The following ZNF462 variants were observed in gnomAD, a reference collection of about 807,000 sequenced individuals.
The protein encoded by ZNF462 is zinc finger protein 462, also known as zinc finger PBX1-interacting protein.
A neutral mutation model predicts 201.9 loss-of-function variants in ZNF462; 10 were observed. The observed-to-expected ratio is 0.05, with a 90% confidence interval of 0.03 to 0.08. The LOEUF is 0.08. Among genes scored for constraint, ZNF462 ranks in the 10% least tolerant of loss-of-function variants. ZNF462 has a pLI of 1.00. For missense variants in ZNF462, 2,523 were observed against 3,168.3 expected (o/e 0.80, Z 4.89); for synonymous variants, 1,227 against 1,193.3 (o/e 1.03, Z -0.58).
Position 106,935,643 on chromosome 9 carries a change from C to A in ZNF462, c.6235+22C>A. ...GCTGGTGAGTTGTGCATTGATGATG[C>A]ACAAGTTCTTTAGCACTCTCTGAGT... On this transcript the variant is annotated intron_variant, in intron 6 of 12. Transcript: ENST00000277225. This position sits in a 1 kb window ranked among gnomAD's most constrained non-coding sequence, Gnocchi z 4.1. The A allele has an allele frequency of 6.3e-7, 1 of 1,587,830 alleles. No homozygotes were observed. The highest frequency in any genetic ancestry group is 8.6e-7 in the Non-Finnish European group (1 of 1,156,444).
chr9:106,926,860 C>G lies in ZNF462; in HGVS notation c.2948C>G (p.Ser983Trp). Residue 983 changes from serine (S) to tryptophan (W), a missense_variant, in exon 3 of 13, where the codon TCG becomes TGG. By Grantham distance (177) the Ser-to-Trp change is radical. Transcript: ENST00000277225. The surrounding 1 kb of genome is among the most constrained non-coding windows in gnomAD (Gnocchi z 7.9). ...ESQTLREILN[S>W]APKNMATSTP... Reference sequence around the variant, plus strand: ...CAGACCCTGAGGGAGATTCTGAATTCGGCTCCCAAGAACATGGCGACTTCC... The same window carrying G: ...CAGACCCTGAGGGAGATTCTGAATTGGGCTCCCAAGAACATGGCGACTTCC... The G allele has an allele frequency of 6.2e-7, 1 of 1,614,118 alleles. No homozygotes were observed. Among genetic ancestry groups the G allele is most frequent in the Non-Finnish European group, 8.5e-7 (1 of 1,180,020 alleles).
rs761754909 is a variant in ZNF462 at position 106,924,762 on chromosome 9, A to G, written c.850A>G (p.Asn284Asp). The G allele has an allele frequency of 1.9e-6, 3 of 1,614,156 alleles. No homozygotes were observed. The highest frequency in any genetic ancestry group is 2.5e-6 in the Non-Finnish European group (3 of 1,180,040). The stretch of plus-strand genomic sequence containing the variant: ...TCTCAGACAGCAACAAGAAGGAACT[A>G]ATCTACCTGATGTGCCGAACAAGAG... ...SSLRQQQEGTNLPDVPNKSAP... is the reference protein window; with the variant it reads ...SSLRQQQEGTDLPDVPNKSAP... The change falls in exon 3 of 13, where the codon AAT (asparagine) becomes GAT (aspartate). Residue 284 changes from asparagine to aspartate, a missense_variant. By Grantham distance (23) the Asn-to-Asp change is conservative. Transcript: ENST00000277225. The surrounding 1 kb of genome is among the most constrained non-coding windows in gnomAD (Gnocchi z 6.2).
rs1230495444 is a variant in ZNF462, at chr9:106,938,596, A to C, written c.6236-320A>C. ...GTAGAGAGGGAGGGAAAGGGATTGG[A>C]AATTTTTCTAAAGGAGGTATCATGG... On this transcript the variant is annotated intron_variant, in intron 6 of 12. Coordinates refer to ENST00000277225, the MANE Select transcript of ZNF462 (RefSeq NM_021224.6). The surrounding 1 kb of genome is among the most constrained non-coding windows in gnomAD (Gnocchi z 4.4). 6.6e-6 allele frequency among the ~76,000 whole-genome samples: 1 copy of C among 152,256 alleles called. No individual in the cohort carries two copies. The highest frequency in any genetic ancestry group is 2.4e-5 in the African/African-American group (1 of 41,554).
At chr9:106,918,006 G>C (rs755917265) in intron 1 of ZNF462, among the ~76,000 whole-genome samples, 5 of 151,828 alleles carry the variant, frequency 3.3e-5, no homozygotes, top group Non-Finnish European at 7.4e-5. Flanking sequence ...CTCCTGAGTA[G>C]CTGGGATTAC....
At chr9:106,960,565 A>G (rs1831788058) in intron 7 of ZNF462, among the ~76,000 whole-genome samples, 1 of 152,138 alleles carries the variant, frequency 6.6e-6, no homozygotes, top group African/African-American at 2.4e-5. Flanking sequence ...CTCATCACAC[A>G]ATTCAAAAGA....
Position 106,974,173 on chromosome 9 carries a change from A to G in ZNF462, c.6732A>G (p.Ser2244=), listed in dbSNP as rs761141114. The G allele has an allele frequency of 2.5e-6, 4 of 1,614,072 alleles. No individual in the cohort carries two copies. In the South Asian group the frequency reaches 3.3e-5, roughly 13 times the overall value. ...CTATGCACGTGGAAGCTGGGCACTCAGCAGTTCCCGAGGAGGGCCCCAAAG... is the reference window on the plus strand; with the variant it reads ...CTATGCACGTGGAAGCTGGGCACTCGGCAGTTCCCGAGGAGGGCCCCAAAG... ...AFTMHVEAGH[S]AVPEEGPKDL... The change falls in exon 9 of 13, where the codon TCA becomes TCG. Residue 2244 remains serine, a synonymous_variant. Transcript: ENST00000277225. This position sits in a 1 kb window ranked among gnomAD's most constrained non-coding sequence, Gnocchi z 4.0.
At chr9:106,940,406 A>T (rs1384879631) in intron 7 of ZNF462, among the ~76,000 whole-genome samples, 1 of 152,214 alleles carries the variant, frequency 6.6e-6, no homozygotes, top group Non-Finnish European at 1.5e-5. Context: ...TAACCTGATG[A>T]TCTGACAGCC....
Position 106,927,792 on chromosome 9 carries a change from A to G in ZNF462, c.3880A>G (p.Thr1294Ala). 1 of 1,614,166 alleles carries G rather than the reference A, an allele frequency of 6.2e-7. No individual in the cohort carries two copies. Among genetic ancestry groups the G allele is most frequent in the Non-Finnish European group, 8.5e-7 (1 of 1,180,032 alleles). Residue 1294 changes from threonine (T) to alanine (A), a missense_variant, in exon 3 of 13, where the codon ACA (threonine) becomes GCA (alanine). Thr to Ala is a moderately conservative substitution (Grantham distance 58, BLOSUM62 0). This residue lies in a region of ZNF462 where 222 missense variants were observed against 271.6 expected (regional missense o/e 0.82). Transcript: ENST00000277225. ...GAAAGACCACCCCGCCCTGAAAGCC[A>G]CAGTCACGTCCATCATGCGATGGGC... The part of the protein sequence containing the change: ...IKKDHPALKA[T>A]VTSIMRWAFL...
In ZNF462 at chr9:106,865,985, A is replaced by G. The variant is rs1010317629; in HGVS notation, c.-31+2630A>G. On this transcript the variant is annotated intron_variant, in intron 1 of 12. Coordinates refer to ENST00000277225, the MANE Select transcript of ZNF462 (RefSeq NM_021224.6). This position sits in a 1 kb window ranked among gnomAD's most constrained non-coding sequence, Gnocchi z 4.1. ...GAAGATGTTGCTTTTCCATTAGGTG[A>G]GGTAGCCATCTTGAGGATGAGGGAA... 1.5e-4 allele frequency among the ~76,000 whole-genome samples: 23 copies of G among 152,200 alleles called. No homozygotes were observed. Among genetic ancestry groups the G allele is most frequent in the African/African-American group, 5.1e-4 (21 of 41,440 alleles).
At chr9:106,992,925 T>G (rs1828400286) in intron 10 of ZNF462, among the ~76,000 whole-genome samples, 1 of 152,238 alleles carries the variant, frequency 6.6e-6, no homozygotes, top group South Asian at 2.1e-4. Context: ...GTAGTCTTTT[T>G]ATGACGTTCA....
rs1173979902 is a variant in ZNF462 at position 107,005,421 on chromosome 9, A to G, written c.7189+1995A>G. 6.6e-6 allele frequency among the ~76,000 whole-genome samples: 1 copy of G among 152,164 alleles called. No homozygotes were observed. The highest frequency in any genetic ancestry group is 1.5e-5 in the Non-Finnish European group (1 of 68,020). On this transcript the variant is annotated intron_variant, in intron 11 of 12. Transcript: ENST00000277225. The surrounding 1 kb of genome is among the most constrained non-coding windows in gnomAD (Gnocchi z 4.4). Reference sequence around the variant, plus strand: ...ATAGCCTCGTAACAGGTGTGAAGTGATAGCTCATTGTGGTTTAATTTGCAT... The same window carrying G: ...ATAGCCTCGTAACAGGTGTGAAGTGGTAGCTCATTGTGGTTTAATTTGCAT...
chr9:106,978,925 G>T lies in ZNF462; in HGVS notation c.6832+4652G>T. ...TAATTGGTCCTGATGGCTTCTACCA[G>T]CTTAGCCAAAGCGCCTTTGTCTTCC... On this transcript the variant is annotated intron_variant, in intron 9 of 12. Transcript: ENST00000277225. This position sits in a 1 kb window ranked among gnomAD's most constrained non-coding sequence, Gnocchi z 4.1. 1 of 320,998 alleles carries T rather than the reference G, an allele frequency of 3.1e-6. No homozygotes were observed. The highest frequency in any genetic ancestry group is 3.0e-5 in the South Asian group (1 of 33,790). 19.9% of individuals were successfully genotyped at this position (320,998 alleles called of 1,614,324 possible).
At chr9:106,877,798 G>A (rs1024735906) in intron 1 of ZNF462, among the ~76,000 whole-genome samples, 1 of 152,136 alleles carries the variant, frequency 6.6e-6, no homozygotes, top group Non-Finnish European at 1.5e-5. Flanking sequence ...CAAATCTCTA[G>A]GATTCTCCTA....
chr9:106,928,331 G>A lies in ZNF462; in HGVS notation c.4419G>A (p.Thr1473=), dbSNP rs568580700. ...TATCCTCCACCCCATACCAGTGCAC[G>A]GTATGCCAATCTGAGTATAACAACT... The part of the protein sequence containing the change: ...PAISSTPYQC[T]VCQSEYNNLH... Residue 1473 remains threonine (T), a synonymous_variant, in exon 3 of 13, where the codon ACG becomes ACA. Transcript: ENST00000277225. This position sits in a 1 kb window ranked among gnomAD's most constrained non-coding sequence, Gnocchi z 9.3. The A allele has an allele frequency of 5.0e-5, 80 of 1,614,070 alleles. No individual in the cohort carries two copies. Among genetic ancestry groups the A allele is most frequent in the African/African-American group, 6.7e-5 (5 of 74,980 alleles).
intron 7 of ZNF462, among the ~76,000 whole-genome samples, chr9:106,947,346 C>T (rs1361536438): frequency 1.3e-5 from 2 of 152,320 alleles, no homozygotes; most frequent in East Asian, 3.9e-4. Flanking sequence ...ACAGGTCACT[C>T]ACTCTCTTAT....
At position 106,870,482 on chromosome 9, in the gene ZNF462, GTTTGACAGGTACTTA is replaced by G. The variant is rs1827541182; in HGVS notation, c.-31+7132_-31+7146del. Among the ~76,000 whole-genome samples, 1 of 152,156 alleles carries G rather than the reference GTTTGACAGGTACTTA, an allele frequency of 6.6e-6. No individual in the cohort carries two copies. The highest frequency in any genetic ancestry group is 2.4e-5 in the African/African-American group (1 of 41,444). On this transcript the variant is annotated intron_variant, in intron 1 of 12. Transcript: ENST00000277225. The surrounding 1 kb of genome is among the most constrained non-coding windows in gnomAD (Gnocchi z 4.3). ...ACCCTGTTCTTTAGGGTGAAAGGAA[GTTTGACAGGTACTTA>G]TTTGTTCAAAAAATAAATACTTGAA...
intron 7 of ZNF462, among the ~76,000 whole-genome samples, chr9:106,960,189 A>T (rs1364151851): frequency 1.3e-5 from 2 of 152,046 alleles, no homozygotes; most frequent in African/African-American, 2.4e-5. Context: ...CTCTACGTGT[A>T]TCTAAATATA....
In ZNF462 at chr9:106,928,228, A is replaced by G; in HGVS notation, c.4316A>G (p.Glu1439Gly). 1 of 1,613,958 alleles carries G rather than the reference A, an allele frequency of 6.2e-7. No homozygotes were observed. The highest frequency in any genetic ancestry group is 8.5e-7 in the Non-Finnish European group (1 of 1,180,000). ...CENSIPTPFP[E>G]QEAECPEDAR... ...AACAGTATACCCACCCCTTTCCCGG[A>G]GCAGGAAGCTGAATGTCCAGAGGAT... The change falls in exon 3 of 13, where the codon GAG becomes GGG. Residue 1439 changes from glutamate (E) to glycine (G), a missense_variant. Physicochemically the swap from Glu to Gly is moderately conservative, Grantham distance 98. This residue lies in a region of ZNF462 where 165 missense variants were observed against 142.6 expected (regional missense o/e 1.16). Coordinates refer to ENST00000277225, the MANE Select transcript of ZNF462 (RefSeq NM_021224.6). The surrounding 1 kb of genome is among the most constrained non-coding windows in gnomAD (Gnocchi z 9.3).
In ZNF462 at chr9:107,009,309, T is replaced by G; in HGVS notation, c.7190-236T>G. 12 of 480,036 alleles carry G rather than the reference T, an allele frequency of 2.5e-5. No individual in the cohort carries two copies. The highest frequency in any genetic ancestry group is 3.3e-5 in the East Asian group (1 of 30,010). The allele number at this position is 480,036 out of a possible 1,614,324, so 29.7% of individuals were successfully genotyped here. ...AGACCCAGATTTTGTGATAGAAGCA[T>G]TGGGGAGGTGAGGCGAAATGAGGTC... On this transcript the variant is annotated intron_variant, in intron 11 of 12. Transcript: ENST00000277225. This position sits in a 1 kb window ranked among gnomAD's most constrained non-coding sequence, Gnocchi z 6.1.
Sources: gnomAD v4.1 joint callset for allele counts (sites outside exome capture counted in the v4.1 genomes callset) on GRCh38, gnomAD v4.1.1 for gene constraint, gnomAD v4.1.1 regional missense constraint, Gnocchi (gnomAD v3.1) non-coding constraint, MANE v1.5 for transcripts, NCBI Gene and HGNC (gene_info 2026-07-23, HGNC 2026-07-21) for gene names.